The following SFI1 variants were observed in gnomAD, a reference collection of about 807,000 sequenced individuals.
SFI1 encodes the protein SFI1 centrin binding protein.
Under a neutral mutation model 207.5 loss-of-function variants are expected in SFI1, and 195 were observed. That is an observed-to-expected ratio of 0.94 (90% CI 0.84 to 1.06). The LOEUF (loss-of-function observed/expected upper bound fraction) is 1.06, where lower values mean the gene tolerates loss of function less well. Among genes scored for constraint, SFI1 ranks in the 50% least tolerant of loss-of-function variants. SFI1 has a pLI of 0.00. For synonymous variants in SFI1, 630 were observed against 598.9 expected (o/e 1.05, Z -0.76); for missense variants, 1,634 against 1,588.0 (o/e 1.03, Z -0.49).
intron 2 of SFI1, among the ~76,000 whole-genome samples, chr22:31,517,353 T>A (rs1602004578): frequency 6.6e-6 from 1 of 151,740 alleles, no homozygotes; most frequent in African/African-American, 2.4e-5. Flanking sequence ...GCTTGAGGAG[T>A]CCTCCCATCT....
chr22:31,594,984 A>T (rs777903605), intron 15 of SFI1, among the ~76,000 whole-genome samples: 172 of 151,532 alleles, frequency 1.1e-3, no homozygotes, highest in Non-Finnish European at 1.6e-3. Context: ...AAATAATAAT[A>T]ATTTATTTAT....
intron 2 of SFI1, among the ~76,000 whole-genome samples, chr22:31,515,616 C>G (rs1294197281): frequency 1.3e-5 from 2 of 151,898 alleles, no homozygotes; most frequent in Non-Finnish European, 2.9e-5. Flanking sequence ...AACTCCAGAG[C>G]TCAAGTGATC....
intron 2 of SFI1, among the ~76,000 whole-genome samples, chr22:31,522,966 A>G (rs1396602622): frequency 6.6e-6 from 1 of 152,078 alleles, no homozygotes; most frequent in Non-Finnish European, 1.5e-5. Context: ...ATTCCTTTTT[A>G]TAGCTCTATA....
intron 17 of SFI1, among the ~76,000 whole-genome samples, chr22:31,603,351 T>G (rs1374814403): frequency 6.6e-6 from 1 of 152,168 alleles, no homozygotes; most frequent in Non-Finnish European, 1.5e-5. Context: ...TTGTGGCAGT[T>G]TTTAACCACA....
At chr22:31,588,841 A>G (rs5994405) in intron 14 of SFI1, among the ~76,000 whole-genome samples, 14,398 of 151,886 alleles carry the variant, frequency 0.095, 814 homozygotes, top group Admixed American at 0.16. Flanking sequence ...ACAACAAAAA[A>G]AACAAAAACA....
intron 1 of SFI1, among the ~76,000 whole-genome samples, chr22:31,505,268 A>G (rs967995092): frequency 6.6e-6 from 1 of 151,674 alleles, no homozygotes; most frequent in South Asian, 2.1e-4. Flanking sequence ...GGGAAACCCC[A>G]TCTCTACTAA....
rs748783011 is a variant in SFI1, at chr22:31,603,796, T to C, written c.1858T>C (p.Trp620Arg). Reference sequence around the variant, plus strand: ...ATTCCACATGGCCCAGCTCCTGCGTTGGGCCTGGAGCCAGTGGAGGGAGGT... The same window carrying C: ...ATTCCACATGGCCCAGCTCCTGCGTCGGGCCTGGAGCCAGTGGAGGGAGGT... ...AEFHMAQLLR[W>R]AWSQWRECLA... is the part of the protein sequence containing the mutation. Residue 620 changes from tryptophan to arginine, a missense_variant, in exon 18 of 33, where the codon TGG becomes CGG. Physicochemically the swap from Trp to Arg is moderately radical, Grantham distance 101 (BLOSUM62 -3). Transcript: ENST00000400288. The C allele has an allele frequency of 2.6e-6, 4 of 1,560,360 alleles. No homozygotes were observed. Among genetic ancestry groups the C allele is most frequent in the Non-Finnish European group, 3.4e-6 (4 of 1,164,180 alleles).
chr22:31,500,825 A>T, intron 1 of SFI1, among the ~76,000 whole-genome samples: 1 of 145,344 alleles, frequency 6.9e-6, no homozygotes, highest in Non-Finnish European at 1.5e-5. Context: ...TTTGAGTCTG[A>T]GTGTTGCTCT....
Position 31,613,678 on chromosome 22 carries a change from A to T in SFI1, c.2819A>T (p.Lys940Met). 1 of 1,610,248 alleles carries T rather than the reference A, an allele frequency of 6.2e-7. No individual in the cohort carries two copies. Among genetic ancestry groups the T allele is most frequent in the East Asian group, 2.2e-5 (1 of 44,816 alleles). The change falls in exon 27 of 33, where the codon AAG becomes ATG. Residue 940 changes from lysine to methionine, a missense_variant. Lys to Met is a moderately conservative substitution (Grantham distance 95). Coordinates refer to ENST00000400288, the MANE Select transcript of SFI1 (RefSeq NM_001007467.3). ...CAGAAAGTGCTGGGCCGGGGCGGGA[A>T]GCCTCAGCCCCTGGCAGCCATCGCA... The part of the protein sequence containing the change: ...WKQKVLGRGG[K>M]PQPLAAIAPS...
intron 7 of SFI1, chr22:31,559,922 G>T: frequency 3.4e-6 from 2 of 591,756 alleles, no homozygotes; most frequent in East Asian, 3.4e-5. Flanking sequence ...TACCATGGGC[G>T]GGTCCAAGAA....
rs1229500115 is a variant in SFI1 at position 31,611,807 on chromosome 22, C to G, written c.2457C>G (p.Leu819=). The stretch of plus-strand genomic sequence containing the variant: ...GCACCCAACTGCTGGCACAGAGACT[C>G]AGCCGGACCTGCTTCCGCCAGTGGA... ...RQSTQLLAQR[L]SRTCFRQWRQ... Residue 819 remains leucine, a synonymous_variant, in exon 24 of 33, where the codon CTC becomes CTG. Transcript: ENST00000400288. The G allele has an allele frequency of 6.2e-7, 1 of 1,613,972 alleles. No homozygotes were observed. Among genetic ancestry groups the G allele is most frequent in the Admixed American group, 1.7e-5 (1 of 60,028 alleles).
intron 11 of SFI1, among the ~76,000 whole-genome samples, chr22:31,578,865 G>T (rs2063790044): frequency 6.6e-6 from 1 of 151,988 alleles, no homozygotes; most frequent in Admixed American, 6.6e-5. Context: ...GAGCCTCTGG[G>T]GCTCCACAAA....
chr22:31,526,222 T>C (rs913894585), intron 2 of SFI1, among the ~76,000 whole-genome samples: 2 of 152,164 alleles, frequency 1.3e-5, no homozygotes, highest in African/African-American at 2.4e-5. Flanking sequence ...TGAAGAAATA[T>C]CTGAGATAAG....
chr22:31,604,302 T>C lies in SFI1; in HGVS notation c.1882-7T>C, dbSNP rs747872594. 2.6e-5 allele frequency: 40 copies of C among 1,566,508 alleles called. No homozygotes were observed. The highest frequency in any genetic ancestry group is 3.4e-5 in the Non-Finnish European group (39 of 1,157,218). ...CCCACGGTAGCTGCTTTCTCCTCTGTCTGCAGTGCCTGGCCCTGCGGGGAG... is the reference window on the plus strand; with the variant it reads ...CCCACGGTAGCTGCTTTCTCCTCTGCCTGCAGTGCCTGGCCCTGCGGGGAG... On this transcript the variant is annotated splice_region_variant and splice_polypyrimidine_tract_variant and intron_variant, in intron 18 of 32. Coordinates refer to ENST00000400288, the MANE Select transcript of SFI1 (RefSeq NM_001007467.3).
At chr22:31,580,889 A>C (rs2064069848) in intron 12 of SFI1, among the ~76,000 whole-genome samples, 1 of 152,004 alleles carries the variant, frequency 6.6e-6, no homozygotes, top group Non-Finnish European at 1.5e-5. Flanking sequence ...CTGATAGAAA[A>C]ACTTGTTTGA....
At chr22:31,521,002 CAAAAAAA>C (rs57346699) in intron 2 of SFI1, among the ~76,000 whole-genome samples, 6 of 47,488 alleles carry the variant, frequency 1.3e-4, no homozygotes, top group South Asian at 7.5e-4. Flanking sequence ...GACCCTGTCT[CAAAAAAA>C]AAAAAAAAAA....
At chr22:31,576,328 T>C (rs2063498730) in intron 10 of SFI1, among the ~76,000 whole-genome samples, 1 of 147,812 alleles carries the variant, frequency 6.8e-6, no homozygotes, top group South Asian at 2.1e-4. Context: ...CCCAGCCTCT[T>C]TTTTTTTTTT....
intron 2 of SFI1, among the ~76,000 whole-genome samples, chr22:31,515,859 T>C (rs950253115): frequency 2.0e-5 from 3 of 151,414 alleles, no homozygotes; most frequent in Non-Finnish European, 4.4e-5. Flanking sequence ...TGCCTCAGCC[T>C]CCCAAGTAGC....
chr22:31,513,561 C>CGTTTT (rs140696308), intron 2 of SFI1, among the ~76,000 whole-genome samples: 27,294 of 145,934 alleles, frequency 0.19, 3,351 homozygotes, highest in East Asian at 0.43. Flanking sequence ...TTTGGTTTTT[C>CGTTTT]GTTTTGTTTT....
Sources: allele counts gnomAD v4.1 joint callset (sites outside exome capture counted in the v4.1 genomes callset), GRCh38; gene constraint gnomAD v4.1.1; transcripts MANE v1.5; gene names NCBI Gene and HGNC (gene_info 2026-07-23, HGNC 2026-07-21).